The following BEND4 variants were observed in gnomAD, a reference collection of about 807,000 sequenced individuals.
The protein encoded by BEND4 is BEN domain containing 4.
In BEND4, 27 loss-of-function variants were observed where a neutral mutation model predicts 54.7. The ratio of observed to expected loss-of-function variants is 0.49; its 90% CI spans 0.36 to 0.68. The LOEUF is 0.68. Ranked by LOEUF, BEND4 falls within the 30% of genes least tolerant of loss-of-function variation. BEND4 has a pLI of 0.00. For missense variants in BEND4, 702 were observed against 697.2 expected (o/e 1.01, Z -0.08); for synonymous variants, 327 against 299.5 (o/e 1.09, Z -0.95).
At chr4:42,133,083 A>G (rs1168255640) in intron 3 of BEND4, among the ~76,000 whole-genome samples, 1 of 152,254 alleles carries the variant, frequency 6.6e-6, no homozygotes. Flanking sequence ...TTTTGTGTAA[A>G]TAATACATGT....
intron 3 of BEND4, among the ~76,000 whole-genome samples, chr4:42,136,760 C>T (rs947482770): frequency 1.3e-5 from 2 of 152,318 alleles, no homozygotes; most frequent in South Asian, 2.1e-4. Context: ...TTCCTAAGTA[C>T]AAGAAGACTG....
chr4:42,143,350 T>C (rs558025671), intron 3 of BEND4, 78 bp downstream of exon 3: 71 of 1,267,032 alleles, frequency 5.6e-5, no homozygotes, highest in Admixed American at 9.9e-5. Flanking sequence ...CATACATGAG[T>C]ACAGAAATAC....
chr4:42,118,047 G>A (rs1719915283), intron 5 of BEND4, among the ~76,000 whole-genome samples: 1 of 152,142 alleles, frequency 6.6e-6, no homozygotes. Flanking sequence ...TCTGGTGTAA[G>A]TCAAGGAGAC....
chr4:42,113,250 G>C lies in BEND4; in HGVS notation c.*4268C>G, dbSNP rs1378311790. ...CTGTACTGTGAAATGACACAGCACT[G>C]AATGAGGAAAGTTATACATTTAAAT... On this transcript the variant is annotated 3_prime_UTR_variant, in exon 6 of 6. Coordinates refer to ENST00000502486, the MANE Select transcript of BEND4 (RefSeq NM_207406.4). 1 of 152,192 alleles carries C rather than the reference G, an allele frequency of 6.6e-6. No homozygotes were observed. Among genetic ancestry groups the C allele is most frequent in the African/African-American group, 2.4e-5 (1 of 41,442 alleles). The allele number at this position is 152,192 out of a possible 1,614,324, so 9.4% of individuals were successfully genotyped here.
Position 42,111,109 on chromosome 4 carries a change from T to A in BEND4, c.*6409A>T, listed in dbSNP as rs1217257776. 6.6e-6 allele frequency: 1 copy of A among 152,246 alleles called. No homozygotes were observed. Among genetic ancestry groups the A allele is most frequent in the African/African-American group, 2.4e-5 (1 of 41,466 alleles). 9.4% of individuals were successfully genotyped at this position (152,246 alleles called of 1,614,324 possible). A position where few individuals can be genotyped will look rare whatever the true frequency, so the allele number is the denominator to read the frequency against. Reference sequence around the variant, plus strand: ...ATATTGAATGTTTAAAAAACTTTTATAACATTTTAAGTTTCTAAAAGAAAT... The same window carrying A: ...ATATTGAATGTTTAAAAAACTTTTAAAACATTTTAAGTTTCTAAAAGAAAT... On this transcript the variant is annotated 3_prime_UTR_variant, in exon 6 of 6. Coordinates refer to ENST00000502486, the MANE Select transcript of BEND4 (RefSeq NM_207406.4).
At chr4:42,119,023 G>A (rs542247224) in intron 5 of BEND4, among the ~76,000 whole-genome samples, 1 of 152,130 alleles carries the variant, frequency 6.6e-6, no homozygotes, top group Admixed American at 6.5e-5. Flanking sequence ...TAGGAACCAC[G>A]CATGCCTGCC....
intron 3 of BEND4, among the ~76,000 whole-genome samples, chr4:42,138,230 G>A (rs528961737): frequency 6.6e-6 from 1 of 152,148 alleles, no homozygotes; most frequent in Non-Finnish European, 1.5e-5. Context: ...TATATTATTG[G>A]ATAGAGTATT....
chr4:42,123,948 T>C lies in BEND4; in HGVS notation c.1146+1635A>G, dbSNP rs1247788526. 2.0e-5 allele frequency among the ~76,000 whole-genome samples: 3 copies of C among 152,144 alleles called. No individual in the cohort carries two copies. In the East Asian group the frequency reaches 5.8e-4, roughly 29 times the overall value. ...GAATAGGTGTGGTGAGATCAAGCGA[T>C]GTATGGGCAAACCACTGTGGGCCAG... is the stretch of plus-strand genomic sequence containing the variant. On this transcript the variant is annotated intron_variant, in intron 4 of 5. Transcript: ENST00000502486.
At chr4:42,117,934 T>C (rs963867864) in intron 5 of BEND4, among the ~76,000 whole-genome samples, 199 bp from the exon 6 acceptor site, 12 of 148,798 alleles carry the variant, frequency 8.1e-5, no homozygotes, top group Admixed American at 4.0e-4. Context: ...TGTGCAAAAG[T>C]AAAAAAAAAA....
chr4:42,111,240 C>T lies in BEND4; in HGVS notation c.*6278G>A, dbSNP rs1410191554. 6.6e-6 allele frequency: 1 copy of T among 152,162 alleles called. No individual in the cohort carries two copies. The highest frequency in any genetic ancestry group is 1.9e-4 in the East Asian group (1 of 5,196). 9.4% of individuals were successfully genotyped at this position (152,162 alleles called of 1,614,324 possible). On this transcript the variant is annotated 3_prime_UTR_variant, in exon 6 of 6. Coordinates refer to ENST00000502486, the MANE Select transcript of BEND4 (RefSeq NM_207406.4). The stretch of plus-strand genomic sequence containing the variant: ...CATTTGTAGCTTTATTAACATATCC[C>T]TAGTGGGTATTAACTCTACACAGTA...
At chr4:42,149,994 C>A (rs917614079) in intron 2 of BEND4, among the ~76,000 whole-genome samples, 1 of 151,862 alleles carries the variant, frequency 6.6e-6, no homozygotes. Context: ...GAGGGGAAAA[C>A]GTCAATGAAA....
intron 4 of BEND4, among the ~76,000 whole-genome samples, chr4:42,124,425 A>C (rs1481259218): frequency 1.3e-5 from 2 of 152,228 alleles, no homozygotes; most frequent in African/African-American, 4.8e-5. Context: ...GAAAAAGACA[A>C]AGCATGAACT....
rs1007814169 is a variant in BEND4 at position 42,116,672 on chromosome 4, G to A, written c.*846C>T. The A allele has an allele frequency of 6.6e-6, 1 of 152,146 alleles. No individual in the cohort carries two copies. The highest frequency in any genetic ancestry group is 1.5e-5 in the Non-Finnish European group (1 of 68,020). 9.4% of individuals were successfully genotyped at this position (152,146 alleles called of 1,614,324 possible). Reference sequence around the variant, plus strand: ...ATACCATCAGTCACACCACTTGTTTGGTCTTCAGTGCACCAAACAACTAAT... The same window carrying A: ...ATACCATCAGTCACACCACTTGTTTAGTCTTCAGTGCACCAAACAACTAAT... On this transcript the variant is annotated 3_prime_UTR_variant, in exon 6 of 6. Transcript: ENST00000502486.
Position 42,143,561 on chromosome 4 carries a change from T to TG in BEND4, c.920dup (p.Ser308IlefsTer34). On this transcript the variant is annotated frameshift_variant, in exon 3 of 6. Transcript: ENST00000502486. LOFTEE classifies it high-confidence loss of function. ...CCTCCTCCTCTTCTGGCAGTGTAGA[T>TG]GAAGATGGGTGGCCATGGGATTCGG... 1 of 1,564,480 alleles carries TG rather than the reference T, an allele frequency of 6.4e-7. No individual in the cohort carries two copies. Among genetic ancestry groups the TG allele is most frequent in the Non-Finnish European group, 8.7e-7 (1 of 1,154,208 alleles).
chr4:42,125,316 G>A (rs1333565178), intron 4 of BEND4, among the ~76,000 whole-genome samples: 1 of 152,206 alleles, frequency 6.6e-6, no homozygotes, highest in Non-Finnish European at 1.5e-5. Flanking sequence ...AGGCATCTCT[G>A]TGCAAACAGA....
chr4:42,120,514 C>T (rs1560575027), intron 4 of BEND4, among the ~76,000 whole-genome samples: 1 of 152,108 alleles, frequency 6.6e-6, no homozygotes, highest in Non-Finnish European at 1.5e-5. Context: ...ATAATGAACA[C>T]CTTTGAAAGG....
chr4:42,134,046 G>C (rs745971421), intron 3 of BEND4, among the ~76,000 whole-genome samples: 1 of 152,236 alleles, frequency 6.6e-6, no homozygotes, highest in Non-Finnish European at 1.5e-5. Flanking sequence ...TGACTGTGCT[G>C]TCTTGTATGA....
chr4:42,114,712 TAC>T lies in BEND4; in HGVS notation c.*2804_*2805del, dbSNP rs1200364378. On this transcript the variant is annotated 3_prime_UTR_variant, in exon 6 of 6. Transcript: ENST00000502486. ...CTAGTGAGTGAGCTTTTAACCTGGC[TAC>T]ACAGAGGCCCAATGGGCCTTGCCAA... 6.6e-6 allele frequency: 1 copy of T among 152,214 alleles called. No homozygotes were observed. The highest frequency in any genetic ancestry group is 1.5e-5 in the Non-Finnish European group (1 of 68,050). The allele number at this position is 152,214 out of a possible 1,614,324, so 9.4% of individuals were successfully genotyped here.
At chr4:42,125,266 G>C (rs1162055511) in intron 4 of BEND4, among the ~76,000 whole-genome samples, 1 of 152,208 alleles carries the variant, frequency 6.6e-6, no homozygotes, top group Non-Finnish European at 1.5e-5. Flanking sequence ...TGGAACACAG[G>C]CTCTGTCTGA....
Sources: gnomAD v4.1 joint callset for allele counts (sites outside exome capture counted in the v4.1 genomes callset) on GRCh38, gnomAD v4.1.1 for gene constraint, MANE v1.5 for transcripts, NCBI Gene and HGNC (gene_info 2026-07-23, HGNC 2026-07-21) for gene names.